Variants in EPB41L3 observed in about 807,000 individuals in gnomAD.
EPB41L3 encodes the protein band 4.1-like protein 3.
In EPB41L3, 57 loss-of-function variants were observed where a neutral mutation model predicts 127.1. The observed-to-expected ratio is 0.45, with a 90% CI of 0.36 to 0.56. The LOEUF is 0.56. Ranked by LOEUF, EPB41L3 falls within the 20% of genes least tolerant of loss-of-function variation. EPB41L3 has a pLI of 0.00. For missense variants in EPB41L3, 1,273 were observed against 1,372.2 expected (o/e 0.93, Z 1.14); for synonymous variants, 572 against 549.5 (o/e 1.04, Z -0.57).
intron 3 of EPB41L3, chr18:5,570,086 G>C (rs2094257311): frequency 6.7e-6 from 1 of 150,032 alleles, no homozygotes; most frequent in Non-Finnish European, 1.5e-5. Flanking sequence ...TATTGGAAAA[G>C]GCGACAGACA....
Position 5,397,295 on chromosome 18 carries a change from C to T in EPB41L3, c.2604G>A (p.Gly868=), listed in dbSNP as rs757286243. 6.2e-7 allele frequency: 1 copy of T among 1,614,044 alleles called. No homozygotes were observed. The highest frequency in any genetic ancestry group is 2.2e-5 in the East Asian group (1 of 44,856). The change falls in exon 18 of 23, where the codon GGG becomes GGA. Residue 868 remains glycine (G), a synonymous_variant. Transcript: ENST00000341928. This position sits in a 1 kb window ranked among gnomAD's most constrained non-coding sequence, Gnocchi z 4.1. ...TGTCTCCCGCCGAGTAAGAAGCATC[C>T]CCACTCGCGTGCACCACACGCCGCT... ...VEERRVVHAS[G]DASYSAGDSG... is the part of the protein sequence containing the mutation.
In EPB41L3 at chr18:5,445,122, T is replaced by C. The variant is rs1374806986; in HGVS notation, c.486+18A>G. On this transcript the variant is annotated intron_variant, in intron 4 of 22. Coordinates refer to ENST00000341928, the MANE Select transcript of EPB41L3 (RefSeq NM_012307.5). ...GCAGTTCAAGCCATCTTATTTTGCA[T>C]TGCTTTTGATCACTCACCTTCTGGT... 11 of 1,601,366 alleles carry C rather than the reference T, an allele frequency of 6.9e-6. No homozygotes were observed. The highest frequency in any genetic ancestry group is 2.2e-5 in the East Asian group (1 of 44,822).
At chr18:5,540,032 CT>C (rs915695504) in intron 1 of EPB41L3, among the ~76,000 whole-genome samples, 18 of 152,142 alleles carry the variant, frequency 1.2e-4, no homozygotes, top group African/African-American at 2.6e-4. Context: ...AGACCACATA[CT>C]TTTTTTAAAA....
upstream of EPB41L3, chr18:5,630,227 GC>G: frequency 2.7e-6 from 1 of 371,246 alleles, no homozygotes; most frequent in Non-Finnish European, 5.2e-6. Context: ...CGGCCAGGCA[GC>G]CCCCGGTCGG....
At chr18:5,441,517 G>A (rs2080738736) in intron 5 of EPB41L3, among the ~76,000 whole-genome samples, 1 of 150,394 alleles carries the variant, frequency 6.6e-6, no homozygotes, top group Admixed American at 6.6e-5. Flanking sequence ...CCAGGCTGGA[G>A]CGCAGTGGCG....
chr18:5,607,882 A>G (rs1404517657), intron 3 of EPB41L3, among the ~76,000 whole-genome samples: 5 of 148,782 alleles, frequency 3.4e-5, no homozygotes, highest in Admixed American at 6.6e-5. Flanking sequence ...GGGATGCACC[A>G]AAATTCTACC....
intron 3 of EPB41L3, among the ~76,000 whole-genome samples, chr18:5,607,249 G>C (rs112037720): frequency 6.6e-6 from 1 of 152,120 alleles, no homozygotes; most frequent in Non-Finnish European, 1.5e-5. Flanking sequence ...ATAGAAGATG[G>C]GATAAAGATG....
At chr18:5,422,429 G>A (rs1248853996) in intron 11 of EPB41L3, among the ~76,000 whole-genome samples, 1 of 151,948 alleles carries the variant, frequency 6.6e-6, no homozygotes, top group Non-Finnish European at 1.5e-5. Context: ...AAAAAAGGTA[G>A]GAAAGGAGAT....
chr18:5,519,067 G>A (rs1178536899), intron 1 of EPB41L3, among the ~76,000 whole-genome samples: 1 of 152,174 alleles, frequency 6.6e-6, no homozygotes, highest in Non-Finnish European at 1.5e-5. Flanking sequence ...TGAAATTACA[G>A]GACTGATAAG....
At chr18:5,470,400 T>C (rs2085900232) in intron 3 of EPB41L3, among the ~76,000 whole-genome samples, 1 of 152,258 alleles carries the variant, frequency 6.6e-6, no homozygotes, top group African/African-American at 2.4e-5. Flanking sequence ...CTTTGGTATC[T>C]TTTGTACACA....
intron 1 of EPB41L3, among the ~76,000 whole-genome samples, chr18:5,510,402 C>T (rs924118999): frequency 6.6e-6 from 1 of 152,194 alleles, no homozygotes; most frequent in Non-Finnish European, 1.5e-5. Flanking sequence ...AGCCACGTAA[C>T]ATTTACCTAA....
intron 3 of EPB41L3, among the ~76,000 whole-genome samples, chr18:5,564,139 G>C (rs1048662922): frequency 3.3e-5 from 5 of 152,146 alleles, no homozygotes; most frequent in African/African-American, 4.8e-5. Context: ...GGCGATTTCA[G>C]TTGAGTTTTG....
rs35194563 is a variant in EPB41L3 at position 5,499,829 on chromosome 18, G to GTATATATATATATATATATATA, written c.-11-10636_-11-10635insTATATATATATATATATATATA. 1.9e-3 allele frequency among the ~76,000 whole-genome samples: 235 copies of GTATATATATATATATATATATA among 124,572 alleles called. 3 individuals are homozygous for GTATATATATATATATATATATA. Among genetic ancestry groups the GTATATATATATATATATATATA allele is most frequent in the African/African-American group, 7.2e-3 (232 of 32,124 alleles). The allele number at this position is 124,572 out of a possible 152,430, so 81.7% of individuals were successfully genotyped here. On this transcript the variant is annotated intron_variant, in intron 1 of 22. Coordinates refer to ENST00000341928, the MANE Select transcript of EPB41L3 (RefSeq NM_012307.5). Reference sequence around the variant, plus strand: ...CCTACTACATACTTACTATGTGTGTGTATATATATATATATATATGGCATT... The same window carrying GTATATATATATATATATATATA: ...CCTACTACATACTTACTATGTGTGTGTATATATATATATATATATATATATATATATATATATATATGGCATT...
intron 3 of EPB41L3, among the ~76,000 whole-genome samples, chr18:5,464,756 T>C (rs2084650749): frequency 6.6e-6 from 1 of 152,192 alleles, no homozygotes; most frequent in Non-Finnish European, 1.5e-5. Context: ...ATATGAAGTC[T>C]CTTCAAATGC....
chr18:5,588,662 G>A (rs1411250644), intron 3 of EPB41L3, among the ~76,000 whole-genome samples: 1 of 151,958 alleles, frequency 6.6e-6, no homozygotes, highest in African/African-American at 2.4e-5. Context: ...TGTTAGAGGT[G>A]AAGTATATTG....
chr18:5,537,427 G>C (rs184505441), intron 1 of EPB41L3, among the ~76,000 whole-genome samples: 16 of 152,074 alleles, frequency 1.1e-4, no homozygotes, highest in Middle Eastern at 3.4e-3. Flanking sequence ...CAATCATTGA[G>C]AGAAAAAAAC....
intron 3 of EPB41L3, among the ~76,000 whole-genome samples, chr18:5,471,106 T>C (rs1412178316): frequency 1.2e-4 from 19 of 152,138 alleles, no homozygotes; most frequent in Non-Finnish European, 2.2e-4. Flanking sequence ...CAGGAAGACA[T>C]TGATCAGGAG....
upstream of EPB41L3, among the ~76,000 whole-genome samples, chr18:5,547,740 A>G (rs1020163533): frequency 3.9e-5 from 6 of 152,204 alleles, no homozygotes; most frequent in African/African-American, 1.2e-4. Flanking sequence ...CTATTCCACC[A>G]CAAATGTCAA....
At position 5,397,419 on chromosome 18, in the gene EPB41L3, T is replaced by C; in HGVS notation, c.2480A>G (p.Glu827Gly). Residue 827 changes from glutamate (E) to glycine (G), a missense_variant, in exon 18 of 23, where the codon GAA becomes GGA. By Grantham distance (98) the Glu-to-Gly change is moderately conservative. Transcript: ENST00000341928. This position sits in a 1 kb window ranked among gnomAD's most constrained non-coding sequence, Gnocchi z 4.1. The stretch of plus-strand genomic sequence containing the variant: ...TATTCCACTGGACTCCGTCTTGGTT[T>C]CCATTTTCTGCATGGGAAGAGATTG... ...STSQSWVQKM[E>G]TKTESSGIET... is the part of the protein sequence containing the mutation. The C allele has an allele frequency of 6.2e-7, 1 of 1,605,630 alleles. No homozygotes were observed. The highest frequency in any genetic ancestry group is 1.1e-5 in the South Asian group (1 of 90,230).
Sources: gnomAD v4.1 joint callset for allele counts (sites outside exome capture counted in the v4.1 genomes callset) on GRCh38, gnomAD v4.1.1 for gene constraint, Gnocchi (gnomAD v3.1) non-coding constraint, MANE v1.5 for transcripts, NCBI Gene and HGNC (gene_info 2026-07-23, HGNC 2026-07-21) for gene names.